SFXN5: variants seen among roughly 807,000 people sequenced by gnomAD.
SFXN5 encodes the protein sideroflexin 5, also known as sideroflexin-5.
Under a neutral mutation model 50.2 loss-of-function variants are expected in SFXN5, and 43 were observed. That is an observed-to-expected ratio of 0.86 (90% CI 0.67 to 1.11). SFXN5 has a LOEUF of 1.11. Among genes scored for constraint, SFXN5 ranks in the 50% least tolerant of loss-of-function variants. The pLI is 0.00. For missense variants in SFXN5, 463 were observed against 454.1 expected, an observed-to-expected ratio of 1.02 and a Z score of -0.18; for synonymous variants, 203 against 185.8, an observed-to-expected ratio of 1.09 and a Z score of -0.75.
chr2:73,056,025 C>T (rs535233148), intron 2 of SFXN5, among the ~76,000 whole-genome samples: 91 of 152,302 alleles, frequency 6.0e-4, no homozygotes, highest in Non-Finnish European at 1.1e-3. Context: ...GTAATCCCAG[C>T]TACTCGGGAG....
At chr2:73,047,452 A>G (rs1680653901) in intron 2 of SFXN5, among the ~76,000 whole-genome samples, 2 of 149,844 alleles carry the variant, frequency 1.3e-5, no homozygotes, top group Admixed American at 1.4e-4. Flanking sequence ...CAGGACAATG[A>G]TATGGTTTGG....
Position 73,047,255 on chromosome 2 carries a change from T to TATATATATATATATATACACAC in SFXN5, c.172-6325_172-6324insGTGTGTATATATATATATATAT, listed in dbSNP as rs1156644862. 6.8e-4 allele frequency among the ~76,000 whole-genome samples: 42 copies of TATATATATATATATATACACAC among 61,834 alleles called. 3 individuals carry two copies. Among genetic ancestry groups the TATATATATATATATATACACAC allele is most frequent in the South Asian group, 1.1e-3 (2 of 1,790 alleles). The allele number at this position is 61,834 out of a possible 152,430, so 40.6% of individuals were successfully genotyped here. A position where few individuals can be genotyped will look rare whatever the true frequency, so the allele number is the denominator to read the frequency against. On this transcript the variant is annotated intron_variant, in intron 2 of 13. Transcript: ENST00000272433. ...AAAAAAAAAAAAAAAAATATATATA[T>TATATATATATATATATACACAC]ATATATATATATATATATATACACA...
intron 13 of SFXN5, among the ~76,000 whole-genome samples, chr2:72,946,583 G>A (rs766345893): frequency 3.3e-5 from 5 of 152,096 alleles, no homozygotes; most frequent in Non-Finnish European, 5.9e-5. Flanking sequence ...AAACTTTGCT[G>A]TGGATGTCTC....
intron 6 of SFXN5, among the ~76,000 whole-genome samples, chr2:73,006,132 C>A (rs1230240838): frequency 6.6e-6 from 1 of 152,028 alleles, no homozygotes. Flanking sequence ...TCCTGCTTGC[C>A]CTGCTGAGCA....
At chr2:72,971,791 C>G (rs1242196876) in intron 10 of SFXN5, 106 bp from the exon 11 acceptor site, 1 of 820,388 alleles carries the variant, frequency 1.2e-6, no homozygotes, top group Non-Finnish European at 2.0e-6. Flanking sequence ...GTTCTGTGTT[C>G]AAATGCATGG....
chr2:73,068,729 C>G lies in SFXN5; in HGVS notation c.102+2875G>C, dbSNP rs553247833. Among the ~76,000 whole-genome samples the G allele has an allele frequency of 3.3e-5, 5 of 152,114 alleles. No individual in the cohort carries two copies. In the South Asian group the frequency reaches 1.0e-3, roughly 32 times the overall value. The stretch of plus-strand genomic sequence containing the variant: ...AAGACAGGCACAGCCCCCACTTCTG[C>G]AAAGTCCATAGTCAACAGAGAGACA... On this transcript the variant is annotated intron_variant, in intron 1 of 13. Transcript: ENST00000272433.
chr2:72,958,333 G>A (rs1409208193), intron 13 of SFXN5, among the ~76,000 whole-genome samples: 1 of 152,184 alleles, frequency 6.6e-6, no homozygotes, highest in Non-Finnish European at 1.5e-5. Context: ...CCTGGACTTG[G>A]AGTGTGGACC....
At chr2:72,982,532 C>T (rs979693687) in intron 10 of SFXN5, among the ~76,000 whole-genome samples, 2 of 152,136 alleles carry the variant, frequency 1.3e-5, no homozygotes, top group Non-Finnish European at 2.9e-5. Flanking sequence ...TGCCAGGCAC[C>T]GAGGGGGCTG....
intron 1 of SFXN5, among the ~76,000 whole-genome samples, chr2:73,066,428 T>C (rs929466967): frequency 2.6e-5 from 4 of 151,702 alleles, no homozygotes; most frequent in Non-Finnish European, 5.9e-5. Flanking sequence ...CATGGTGGCA[T>C]GCGCCCGTAA....
At chr2:73,029,575 G>A (rs964028472) in intron 3 of SFXN5, among the ~76,000 whole-genome samples, 1 of 152,194 alleles carries the variant, frequency 6.6e-6, no homozygotes, top group African/African-American at 2.4e-5. Flanking sequence ...GGCCCCAGGG[G>A]CTGGTGGCAA....
Position 72,943,999 on chromosome 2 carries a change from G to A in SFXN5, c.*1023C>T, listed in dbSNP as rs948001244. 1.5e-4 allele frequency: 23 copies of A among 152,276 alleles called. No individual in the cohort carries two copies. Among genetic ancestry groups the A allele is most frequent in the Admixed American group, 9.8e-4 (15 of 15,280 alleles). The allele number at this position is 152,276 out of a possible 1,614,324, so 9.4% of individuals were successfully genotyped here. On this transcript the variant is annotated 3_prime_UTR_variant, in exon 14 of 14. Transcript: ENST00000272433. Reference sequence around the variant, plus strand: ...CTAGGTTGATGCTGCTTCTCTGATAGGTGTCTAAGGAGCTGGCCTAGGCAT... The same window carrying A: ...CTAGGTTGATGCTGCTTCTCTGATAAGTGTCTAAGGAGCTGGCCTAGGCAT...
chr2:73,037,505 G>C (rs1393405582), intron 3 of SFXN5, among the ~76,000 whole-genome samples: 2 of 152,184 alleles, frequency 1.3e-5, no homozygotes, highest in African/African-American at 4.8e-5. Flanking sequence ...TTTTGCCAGA[G>C]CTGAAGACAG....
At position 72,963,011 on chromosome 2, in the gene SFXN5, C is replaced by T. The variant is rs545698281; in HGVS notation, c.828-1763G>A. ...TGCCCGCCTGGACTTCCTTAGGGGTCGTGGAGGGGCTGGGAGTAAGGCTGA... is the reference window on the plus strand; with the variant it reads ...TGCCCGCCTGGACTTCCTTAGGGGTTGTGGAGGGGCTGGGAGTAAGGCTGA... On this transcript the variant is annotated intron_variant, in intron 12 of 13. Coordinates refer to ENST00000272433, the MANE Select transcript of SFXN5 (RefSeq NM_144579.3). 2.9e-4 allele frequency among the ~76,000 whole-genome samples: 44 copies of T among 152,260 alleles called. No individual in the cohort carries two copies. In the South Asian group the frequency reaches 6.2e-3, roughly 22 times the overall value.
chr2:73,043,443 C>A (rs1679907007), intron 2 of SFXN5, among the ~76,000 whole-genome samples: 1 of 152,236 alleles, frequency 6.6e-6, no homozygotes, highest in African/African-American at 2.4e-5. Flanking sequence ...CACCCTCGAC[C>A]CCTCAGGCCT....
chr2:72,960,065 C>T lies in SFXN5; in HGVS notation c.945+1066G>A, dbSNP rs1423463142. Among the ~76,000 whole-genome samples, 1 of 152,038 alleles carries T rather than the reference C, an allele frequency of 6.6e-6. No homozygotes were observed. The highest frequency in any genetic ancestry group is 1.5e-5 in the Non-Finnish European group (1 of 67,990). Reference sequence around the variant, plus strand: ...ACATGGCCCGGATCTGCCCTCACCACCCTGGCTGCTTGTCTTTGGACCCCG... The same window carrying T: ...ACATGGCCCGGATCTGCCCTCACCATCCTGGCTGCTTGTCTTTGGACCCCG... On this transcript the variant is annotated intron_variant, in intron 13 of 13. Transcript: ENST00000272433. The surrounding 1 kb of genome is among the most constrained non-coding windows in gnomAD (Gnocchi z 6.1).
chr2:72,983,081 G>T (rs1671515485), intron 10 of SFXN5, among the ~76,000 whole-genome samples: 1 of 152,232 alleles, frequency 6.6e-6, no homozygotes, highest in African/African-American at 2.4e-5. Context: ...TGACCTGGGG[G>T]TAGGCCCTCC....
chr2:73,059,045 C>A, intron 1 of SFXN5: 1 of 998,024 alleles, frequency 1.0e-6, no homozygotes, highest in African/African-American at 1.7e-5. Context: ...AGCTCTGCCT[C>A]CAGGGGGGAT....
intron 2 of SFXN5, among the ~76,000 whole-genome samples, chr2:73,044,914 C>G (rs779953191): frequency 6.6e-6 from 1 of 152,198 alleles, no homozygotes; most frequent in Non-Finnish European, 1.5e-5. Context: ...GGTCCTGCCT[C>G]AAGGCCCCAC....
rs924574949 is a variant in SFXN5, at chr2:72,942,693, T to G, written c.*2329A>C. 2.0e-5 allele frequency: 3 copies of G among 152,322 alleles called. No individual in the cohort carries two copies. The highest frequency in any genetic ancestry group is 2.4e-5 in the African/African-American group (1 of 41,458). The allele number at this position is 152,322 out of a possible 1,614,324, so 9.4% of individuals were successfully genotyped here. On this transcript the variant is annotated 3_prime_UTR_variant, in exon 14 of 14. Transcript: ENST00000272433. ...TCTGTCACCCTCACCCTAGGCTATC[T>G]GGATCCTTTGCCACTGCACCGCCAC...
Sources: gnomAD v4.1 joint callset for allele counts (sites outside exome capture counted in the v4.1 genomes callset) on GRCh38, gnomAD v4.1.1 for gene constraint, Gnocchi (gnomAD v3.1) non-coding constraint, MANE v1.5 for transcripts, NCBI Gene and HGNC (gene_info 2026-07-23, HGNC 2026-07-21) for gene names.